Variants in PCOLCE2 observed in about 807,000 individuals in gnomAD.
PCOLCE2 encodes procollagen C-endopeptidase enhancer 2.
In PCOLCE2, 42 loss-of-function variants were observed where a neutral mutation model predicts 47.0. That is an observed-to-expected ratio of 0.89 (90% CI 0.70 to 1.16). PCOLCE2 has a LOEUF of 1.16. Among genes scored for constraint, PCOLCE2 ranks in the 50% most tolerant of loss-of-function variants. The pLI is 0.00. For missense variants in PCOLCE2, 500 were observed against 526.1 expected (o/e 0.95, Z 0.49); for synonymous variants, 169 against 191.7 (o/e 0.88, Z 0.98).
chr3:142,848,919 C>T (rs903735683), intron 2 of PCOLCE2, among the ~76,000 whole-genome samples: 12 of 152,040 alleles, frequency 7.9e-5, no homozygotes, highest in African/African-American at 2.7e-4. Context: ...TTTGGGAGGC[C>T]GAGGTGGGCG....
At chr3:142,852,507 G>A (rs1315312469) in intron 2 of PCOLCE2, among the ~76,000 whole-genome samples, 1 of 151,870 alleles carries the variant, frequency 6.6e-6, no homozygotes, top group African/African-American at 2.4e-5. Context: ...GATTTTTAAA[G>A]TCTCCTTTAA....
At chr3:142,859,057 T>C (rs1933128009) in intron 2 of PCOLCE2, among the ~76,000 whole-genome samples, 1 of 151,530 alleles carries the variant, frequency 6.6e-6, no homozygotes, top group Admixed American at 6.6e-5. Flanking sequence ...ACAACACCCA[T>C]GTTTTCTTCT....
intron 3 of PCOLCE2, chr3:142,843,437 A>T (rs1937290301): frequency 2.6e-6 from 1 of 377,830 alleles, no homozygotes; most frequent in Non-Finnish European, 5.1e-6. Flanking sequence ...ACAAAATTTG[A>T]ATTAGTTGAT....
intron 2 of PCOLCE2, among the ~76,000 whole-genome samples, chr3:142,874,378 T>G (rs1479101161): frequency 1.3e-5 from 2 of 152,174 alleles, no homozygotes; most frequent in African/African-American, 4.8e-5. Flanking sequence ...CTGGCCGAGC[T>G]GATGGTTTTA....
At chr3:142,869,246 G>A (rs570197451) in intron 2 of PCOLCE2, among the ~76,000 whole-genome samples, 21 of 151,402 alleles carry the variant, frequency 1.4e-4, no homozygotes, top group Admixed American at 4.6e-4. Flanking sequence ...AGCCGAGATC[G>A]CGCCACTACG....
chr3:142,832,659 C>T (rs565208025), intron 5 of PCOLCE2, among the ~76,000 whole-genome samples: 2 of 152,244 alleles, frequency 1.3e-5, no homozygotes, highest in East Asian at 3.9e-4. Flanking sequence ...TATTCTGTTC[C>T]CTCCCAGTAC....
chr3:142,875,075 T>C (rs988444820), intron 2 of PCOLCE2, among the ~76,000 whole-genome samples: 1 of 152,196 alleles, frequency 6.6e-6, no homozygotes, highest in Non-Finnish European at 1.5e-5. Flanking sequence ...ATATCTAAGA[T>C]TTATGGGGCA....
intron 2 of PCOLCE2, 147 bp downstream of exon 2, chr3:142,887,522 C>G (rs1184381736): frequency 1.7e-6 from 1 of 604,578 alleles, no homozygotes; most frequent in East Asian, 2.8e-5. Context: ...TAATAAAAAT[C>G]TTCCCAATAG....
At chr3:142,827,144 C>G in intron 6 of PCOLCE2, 1 of 1,446,016 alleles carries the variant, frequency 6.9e-7, no homozygotes, top group East Asian at 2.3e-5. Flanking sequence ...GACGTCCAGT[C>G]TGGCGGGCAG....
chr3:142,865,953 T>C (rs965023025), intron 2 of PCOLCE2, among the ~76,000 whole-genome samples: 2 of 152,204 alleles, frequency 1.3e-5, no homozygotes, highest in African/African-American at 4.8e-5. Flanking sequence ...ATAGTCCGGA[T>C]AGGCAAACAG....
At position 142,887,677 on chromosome 3, in the gene PCOLCE2, T is replaced by TGG; in HGVS notation, c.183_184insCC (p.Lys62ProfsTer10). Reference sequence around the variant, plus strand: ...TTTTAAAAAATGCTTACTGTGATTTTCCAAGTACATTTGCTATTTGGAGGG... The same window carrying TGG: ...TTTTAAAAAATGCTTACTGTGATTTTGGCCAAGTACATTTGCTATTTGGAGGG... On this transcript the variant is annotated frameshift_variant, in exon 2 of 9. Transcript: ENST00000295992. LOFTEE classifies it high-confidence loss of function. 6.5e-7 allele frequency: 1 copy of TGG among 1,549,398 alleles called. No individual in the cohort carries two copies. The highest frequency in any genetic ancestry group is 8.9e-7 in the Non-Finnish European group (1 of 1,121,250).
chr3:142,878,848 G>C (rs1933550661), intron 2 of PCOLCE2, among the ~76,000 whole-genome samples: 2 of 149,600 alleles, frequency 1.3e-5, no homozygotes, highest in East Asian at 1.9e-4. Context: ...GTGAGACTTT[G>C]TCTCAAAAAA....
chr3:142,845,730 T>C lies in PCOLCE2; in HGVS notation c.448+2487A>G, dbSNP rs528205624. Among the ~76,000 whole-genome samples the C allele has an allele frequency of 2.0e-5, 3 of 152,264 alleles. No homozygotes were observed. The East Asian group carries it at 5.8e-4, about 29-fold the overall frequency. On this transcript the variant is annotated intron_variant, in intron 3 of 8. Coordinates refer to ENST00000295992, the MANE Select transcript of PCOLCE2 (RefSeq NM_013363.4). ...GGCTCACACCTGTAATCCTAACACTTTGGGAGGCCGAGGTGGGCAGATCAA... is the reference window on the plus strand; with the variant it reads ...GGCTCACACCTGTAATCCTAACACTCTGGGAGGCCGAGGTGGGCAGATCAA...
At chr3:142,883,899 G>A (rs377689932) in intron 2 of PCOLCE2, among the ~76,000 whole-genome samples, 4 of 152,168 alleles carry the variant, frequency 2.6e-5, no homozygotes, top group Non-Finnish European at 2.9e-5. Context: ...GTGGAGCACA[G>A]AACGTAAGAT....
intron 5 of PCOLCE2, among the ~76,000 whole-genome samples, chr3:142,831,361 G>T (rs896393027): frequency 4.6e-5 from 7 of 152,226 alleles, no homozygotes; most frequent in African/African-American, 1.2e-4. Flanking sequence ...CCTGTGCTGC[G>T]TGGGGACTTT....
chr3:142,850,835 C>T (rs1932924191), intron 2 of PCOLCE2, among the ~76,000 whole-genome samples: 2 of 152,046 alleles, frequency 1.3e-5, no homozygotes, highest in Admixed American at 1.3e-4. Context: ...GGGGTCTAAG[C>T]AGAGTTTTTG....
chr3:142,821,698 T>C (rs1408161823), intron 7 of PCOLCE2, among the ~76,000 whole-genome samples: 2 of 152,002 alleles, frequency 1.3e-5, no homozygotes, highest in East Asian at 1.9e-4. Flanking sequence ...TTAAACTTTT[T>C]TTTTTCTTAA....
intron 2 of PCOLCE2, among the ~76,000 whole-genome samples, chr3:142,884,008 T>C (rs984342210): frequency 6.6e-6 from 1 of 152,156 alleles, no homozygotes; most frequent in African/African-American, 2.4e-5. Flanking sequence ...CGCCTATGTG[T>C]CTCCTGCACC....
At chr3:142,875,222 G>T (rs1933473027) in intron 2 of PCOLCE2, among the ~76,000 whole-genome samples, 1 of 152,064 alleles carries the variant, frequency 6.6e-6, no homozygotes, top group Non-Finnish European at 1.5e-5. Flanking sequence ...CTTTAAACAA[G>T]GCGTAAGTTG....
Sources: gnomAD v4.1 joint callset for allele counts (sites outside exome capture counted in the v4.1 genomes callset) on GRCh38, gnomAD v4.1.1 for gene constraint, MANE v1.5 for transcripts, NCBI Gene and HGNC (gene_info 2026-07-23, HGNC 2026-07-21) for gene names.